The following SRGAP3 variants were observed in gnomAD, a reference collection of about 807,000 sequenced individuals.
SRGAP3 encodes the protein SLIT-ROBO Rho GTPase activating protein 3.
SRGAP3 carries 39 observed loss-of-function variants against 121.1 expected under a neutral mutation model. The ratio of observed to expected loss-of-function variants is 0.32; its 90% confidence interval spans 0.25 to 0.42. SRGAP3 has a LOEUF of 0.42. SRGAP3 is among the 10% of genes least tolerant of loss of function. The probability of loss-of-function intolerance (pLI) is 1.00; values close to 1 mark genes in which losing one functional copy is unlikely to be tolerated. For synonymous variants in SRGAP3, 601 were observed against 570.0 expected (o/e 1.05, Z -0.77); for missense variants, 1,213 against 1,470.6 (o/e 0.82, Z 2.86).
intron 1 of SRGAP3, chr3:9,217,753 C>T (rs1292122340): frequency 6.6e-6 from 1 of 152,128 alleles, no homozygotes; most frequent in Non-Finnish European, 1.5e-5. Context: ...TCAAGACTGA[C>T]AGTGATCCAG....
chr3:9,286,859 C>T (rs551073855), intron 3 of SRGAP3, among the ~76,000 whole-genome samples: 1 of 151,958 alleles, frequency 6.6e-6, no homozygotes, highest in African/African-American at 2.4e-5. Flanking sequence ...GCCTCAGCCT[C>T]CCAAAGTGCT....
intron 14 of SRGAP3, among the ~76,000 whole-genome samples, chr3:9,017,638 G>A (rs920888941): frequency 6.6e-6 from 1 of 152,124 alleles, no homozygotes; most frequent in Non-Finnish European, 1.5e-5. Flanking sequence ...TTCCTTTTGG[G>A]GAGGATGAAA....
At chr3:9,028,266 G>A (rs1944310393) in intron 12 of SRGAP3, 2 of 1,250,040 alleles carry the variant, frequency 1.6e-6, no homozygotes, top group South Asian at 1.3e-5. Context: ...AAGGTCCTGG[G>A]GAGCCTGCCA....
intron 1 of SRGAP3, among the ~76,000 whole-genome samples, chr3:9,213,534 G>A (rs562628061): frequency 1.5e-4 from 23 of 152,254 alleles, no homozygotes; most frequent in African/African-American, 5.3e-4. Context: ...TGGTGTGCAG[G>A]CATCTTCCCT....
intron 1 of SRGAP3, among the ~76,000 whole-genome samples, chr3:9,335,365 A>T (rs1170614821): frequency 6.6e-6 from 1 of 152,194 alleles, no homozygotes; most frequent in African/African-American, 2.4e-5. Flanking sequence ...TGATTTTGAA[A>T]TATTAACTAA....
At chr3:9,205,378 G>A (rs906581750) in intron 1 of SRGAP3, among the ~76,000 whole-genome samples, 6 of 152,130 alleles carry the variant, frequency 3.9e-5, no homozygotes, top group African/African-American at 7.2e-5. Context: ...CTTGCAGCAC[G>A]TCTCACACGG....
chr3:9,244,729 T>C (rs1449678681), intron 1 of SRGAP3, among the ~76,000 whole-genome samples: 2 of 152,180 alleles, frequency 1.3e-5, no homozygotes, highest in African/African-American at 2.4e-5. Context: ...CCAGACTAGA[T>C]AATATGATAT....
chr3:9,112,473 C>A (rs780872981), intron 2 of SRGAP3, among the ~76,000 whole-genome samples: 2 of 152,254 alleles, frequency 1.3e-5, no homozygotes, highest in African/African-American at 2.4e-5. Flanking sequence ...ATGAGCCACA[C>A]TTCCCACTTC....
At chr3:9,097,152 G>C (rs1204858542) in intron 3 of SRGAP3, among the ~76,000 whole-genome samples, 1 of 150,910 alleles carries the variant, frequency 6.6e-6, no homozygotes, top group East Asian at 2.0e-4. Flanking sequence ...CACCACACCT[G>C]GCTAATTTTT....
At chr3:9,308,000 C>T (rs943453629) in intron 3 of SRGAP3, among the ~76,000 whole-genome samples, 1 of 152,174 alleles carries the variant, frequency 6.6e-6, no homozygotes, top group Admixed American at 6.5e-5. Context: ...ACTAAAAATA[C>T]AAAAATTAGC....
At chr3:9,156,107 G>A (rs563570138) in intron 1 of SRGAP3, among the ~76,000 whole-genome samples, 3 of 152,158 alleles carry the variant, frequency 2.0e-5, no homozygotes, top group Non-Finnish European at 4.4e-5. Flanking sequence ...GAGCCACCAC[G>A]CCTGGCCAAT....
At position 9,318,829 on chromosome 3, in the gene SRGAP3, T is replaced by A. The variant is rs1251047867; in HGVS notation, n.442+7181A>T. On this transcript the variant is annotated intron_variant and non_coding_transcript_variant, in intron 3 of 3. Coordinates refer to the SRGAP3 transcript ENST00000490889. Reference sequence around the variant, plus strand: ...GGGAGGTCGAGGCTGCAGTGACCTGTGATCACACACCTGCACTCCAGCCTG... The same window carrying A: ...GGGAGGTCGAGGCTGCAGTGACCTGAGATCACACACCTGCACTCCAGCCTG... Among the ~76,000 whole-genome samples the A allele has an allele frequency of 2.6e-5, 4 of 151,498 alleles. No homozygotes were observed. The East Asian group carries it at 5.8e-4, about 22-fold the overall frequency.
At chr3:9,225,562 A>C (rs975705785) in intron 1 of SRGAP3, among the ~76,000 whole-genome samples, 1 of 152,168 alleles carries the variant, frequency 6.6e-6, no homozygotes, top group African/African-American at 2.4e-5. Context: ...GGTACTTTTT[A>C]AAAGCAGCTA....
At chr3:9,085,510 T>C (rs1368425553) in intron 3 of SRGAP3, among the ~76,000 whole-genome samples, 6 of 152,176 alleles carry the variant, frequency 3.9e-5, no homozygotes, top group Non-Finnish European at 7.3e-5. Flanking sequence ...GACACATGCA[T>C]GTGTATGTTC....
intron 1 of SRGAP3, among the ~76,000 whole-genome samples, chr3:9,143,393 A>G (rs778552979): frequency 2.6e-5 from 4 of 151,980 alleles, no homozygotes; most frequent in Non-Finnish European, 5.9e-5. Context: ...TCTAACTTCC[A>G]CTGCACTGCC....
intron 1 of SRGAP3, among the ~76,000 whole-genome samples, chr3:9,223,830 A>G (rs2125204758): frequency 6.6e-6 from 1 of 152,346 alleles, no homozygotes; most frequent in South Asian, 2.1e-4. Context: ...AGAAAAGTGC[A>G]TGACTGTAAG....
At chr3:9,014,754 C>T (rs1943548758) in intron 15 of SRGAP3, 1 of 152,176 alleles carries the variant, frequency 6.6e-6, no homozygotes, top group Non-Finnish European at 1.5e-5. Context: ...CTTCTCTTGC[C>T]ATCTCCTGGG....
rs774317420 is a variant in SRGAP3, at chr3:8,985,491, G to A, written c.*28C>T. The A allele has an allele frequency of 1.2e-5, 19 of 1,597,474 alleles. No homozygotes were observed. Among genetic ancestry groups the A allele is most frequent in the Admixed American group, 1.7e-5 (1 of 59,878 alleles). On this transcript the variant is annotated 3_prime_UTR_variant, in exon 22 of 22. Coordinates refer to ENST00000383836, the MANE Select transcript of SRGAP3 (RefSeq NM_014850.4). The surrounding 1 kb of genome is among the most constrained non-coding windows in gnomAD (Gnocchi z 5.1). ...CCTGGGCCGTGGTGAGCCACAGCGGGCCACGGCGGCGCGGCCCATCCTGCA... is the reference window on the plus strand; with the variant it reads ...CCTGGGCCGTGGTGAGCCACAGCGGACCACGGCGGCGCGGCCCATCCTGCA...
chr3:9,285,751 A>C (rs1954756477), intron 3 of SRGAP3, among the ~76,000 whole-genome samples: 1 of 149,718 alleles, frequency 6.7e-6, no homozygotes, highest in African/African-American at 2.5e-5. Flanking sequence ...CCTGGGCAAC[A>C]TAGTGACGCC....
Sources: gnomAD v4.1 joint callset for allele counts (sites outside exome capture counted in the v4.1 genomes callset) on GRCh38, gnomAD v4.1.1 for gene constraint, Gnocchi (gnomAD v3.1) non-coding constraint, MANE v1.5 for transcripts, NCBI Gene and HGNC (gene_info 2026-07-23, HGNC 2026-07-21) for gene names.